The following ANKAR variants were observed in gnomAD, a reference collection of about 807,000 sequenced individuals.
The protein encoded by ANKAR is ankyrin and armadillo repeat-containing protein.
ANKAR carries 136 observed loss-of-function variants against 146.2 expected under a neutral mutation model. The observed-to-expected ratio is 0.93, with a 90% confidence interval of 0.81 to 1.07. The LOEUF is 1.07. Among genes scored for constraint, ANKAR ranks in the 50% least tolerant of loss-of-function variants. The pLI is 0.00. For synonymous variants in ANKAR, 500 were observed against 575.8 expected (o/e 0.87, Z 1.88); for missense variants, 1,567 against 1,679.9 (o/e 0.93, Z 1.18).
chr2:189,728,146 T>G (rs1280200468), intron 13 of ANKAR, 49 bp downstream of exon 13: 1 of 1,540,674 alleles, frequency 6.5e-7, no homozygotes, highest in Non-Finnish European at 8.7e-7. Flanking sequence ...ATGTTTTCTA[T>G]TTTGAATTGT....
rs1340865409 is a variant in ANKAR, at chr2:189,719,772, G to C, written c.2425G>C (p.Asp809His). Reference protein sequence around the residue: ...VHSRCAVILYDIAQCENKDVI... With the variant: ...VHSRCAVILYHIAQCENKDVI... ...CTCTCGCTGTGCTGTCATTCTATAT[G>C]ATATTGCTCAATGTGAAAACAAGGA... Residue 809 changes from aspartate to histidine, a missense_variant, in exon 11 of 23, where the codon GAT becomes CAT. Transcript: ENST00000684021. 1 of 1,600,192 alleles carries C rather than the reference G, an allele frequency of 6.2e-7. No individual in the cohort carries two copies. The highest frequency in any genetic ancestry group is 8.6e-7 in the Non-Finnish European group (1 of 1,168,962).
chr2:189,743,479 G>T lies in ANKAR; in HGVS notation c.4010+5G>T. 1 of 1,611,152 alleles carries T rather than the reference G, an allele frequency of 6.2e-7. No homozygotes were observed. The highest frequency in any genetic ancestry group is 1.1e-5 in the South Asian group (1 of 90,806). On this transcript the variant is annotated splice_donor_5th_base_variant and intron_variant, in intron 21 of 22. Coordinates refer to ENST00000684021, the MANE Select transcript of ANKAR (RefSeq NM_001378068.1). ...GGTGGGACTTCCTTCCTTAAGGTAT[G>T]GTCCTATGTTAGAAGTTGCAGTAGT...
intron 18 of ANKAR, among the ~76,000 whole-genome samples, chr2:189,752,233 C>T (rs1403532170): frequency 1.3e-5 from 2 of 152,144 alleles, no homozygotes; most frequent in Admixed American, 6.6e-5. Context: ...AGCTATCTTT[C>T]GGCCAATTCT....
At chr2:189,684,435 C>T (rs1314417509) in intron 2 of ANKAR, among the ~76,000 whole-genome samples, 1 of 152,072 alleles carries the variant, frequency 6.6e-6, no homozygotes, top group Non-Finnish European at 1.5e-5. Flanking sequence ...AGACATTAAG[C>T]TCATTCTTGA....
chr2:189,695,912 A>G (rs116593322), intron 6 of ANKAR, among the ~76,000 whole-genome samples: 5,738 of 152,078 alleles, frequency 0.038, 155 homozygotes, highest in African/African-American at 0.067. Context: ...AATATTTTAG[A>G]AAAAAATTAA....
chr2:189,710,663 G>T (rs1181763305), intron 9 of ANKAR, among the ~76,000 whole-genome samples: 1 of 152,168 alleles, frequency 6.6e-6, no homozygotes, highest in East Asian at 1.9e-4. Flanking sequence ...TTAGCCAGGT[G>T]TGGTGGTGCA....
intron 17 of ANKAR, among the ~76,000 whole-genome samples, chr2:189,736,603 A>G (rs145491956): frequency 1.3e-5 from 2 of 150,490 alleles, no homozygotes; most frequent in Admixed American, 6.8e-5. Context: ...TAATGAACCT[A>G]AATGTTCCCA....
At chr2:189,742,001 C>T (rs1374079418) in intron 20 of ANKAR, among the ~76,000 whole-genome samples, 1 of 152,108 alleles carries the variant, frequency 6.6e-6, no homozygotes, top group African/African-American at 2.4e-5. Flanking sequence ...CATAGGATAG[C>T]TTTCCTTATG....
chr2:189,740,807 C>T (rs1166966880), intron 19 of ANKAR, among the ~76,000 whole-genome samples: 1 of 152,124 alleles, frequency 6.6e-6, no homozygotes, highest in Non-Finnish European at 1.5e-5. Flanking sequence ...GATTCTCCTG[C>T]CTCAGCCTCC....
intron 12 of ANKAR, among the ~76,000 whole-genome samples, chr2:189,721,248 A>G (rs1462744322): frequency 2.0e-5 from 3 of 152,126 alleles, no homozygotes; most frequent in Non-Finnish European, 4.4e-5. Flanking sequence ...AGCCTCCCAA[A>G]GTGTTGGGAT....
intron 9 of ANKAR, among the ~76,000 whole-genome samples, chr2:189,709,519 C>T (rs1438564256): frequency 6.6e-6 from 1 of 152,124 alleles, no homozygotes; most frequent in Non-Finnish European, 1.5e-5. Flanking sequence ...CATGCACATG[C>T]ATTACTTTGA....
At chr2:189,749,362 G>C (rs1485584836), downstream of ANKAR, among the ~76,000 whole-genome samples, 1 of 149,798 alleles carries the variant, frequency 6.7e-6, no homozygotes, top group Admixed American at 6.7e-5. Context: ...ATGAGCCTAG[G>C]AGTTCTACTC....
Position 189,743,418 on chromosome 2 carries a change from A to T in ANKAR, c.3954A>T (p.Pro1318=). Residue 1318 remains proline (P), a synonymous_variant, in exon 21 of 23, where the codon CCA becomes CCT. Coordinates refer to ENST00000684021, the MANE Select transcript of ANKAR (RefSeq NM_001378068.1). ...TCAGCAGAGATGCAAGTATTAACCC[A>T]GCATTTTTAAAGGAATTTCAAATGC... is the stretch of plus-strand genomic sequence containing the variant. ...NNISRDASIN[P]AFLKEFQMQQ... is the part of the protein sequence containing the mutation. The T allele has an allele frequency of 6.2e-7, 1 of 1,614,024 alleles. No homozygotes were observed. Among genetic ancestry groups the T allele is most frequent in the African/African-American group, 1.3e-5 (1 of 75,066 alleles).
At chr2:189,742,772 T>G (rs1417505288) in intron 20 of ANKAR, among the ~76,000 whole-genome samples, 1 of 151,650 alleles carries the variant, frequency 6.6e-6, no homozygotes, top group Non-Finnish European at 1.5e-5. Context: ...ATTGTCAGGG[T>G]TGCATCCACT....
At chr2:189,760,677 G>A (rs1459535683) in intron 18 of ANKAR, among the ~76,000 whole-genome samples, 1 of 146,266 alleles carries the variant, frequency 6.8e-6, no homozygotes, top group African/African-American at 2.6e-5. Context: ...TGTAATCCCA[G>A]CTACTTGGGA....
intron 18 of ANKAR, chr2:189,755,510 A>G: frequency 2.5e-6 from 4 of 1,602,160 alleles, no homozygotes; most frequent in Non-Finnish European, 2.5e-6. Context: ...TATTCGTTGA[A>G]TATTTTCTCT....
chr2:189,754,221 T>C, intron 18 of ANKAR: 9 of 1,613,910 alleles, frequency 5.6e-6, no homozygotes, highest in Non-Finnish European at 7.6e-6. Flanking sequence ...ATTTTTAGCA[T>C]GATGCAAGGG....
chr2:189,693,248 A>G, intron 5 of ANKAR, 71 bp downstream of exon 5: 1 of 956,242 alleles, frequency 1.0e-6, no homozygotes, highest in Non-Finnish European at 1.6e-6. Context: ...AAAGAAAATG[A>G]CAAAATGCAA....
intron 10 of ANKAR, among the ~76,000 whole-genome samples, chr2:189,716,609 C>A (rs1574579082): frequency 7.4e-6 from 1 of 135,242 alleles, no homozygotes; most frequent in Admixed American, 7.9e-5. Flanking sequence ...CATATGGAAC[C>A]AAAAAAGAGC....
Sources: gnomAD v4.1 joint callset for allele counts (sites outside exome capture counted in the v4.1 genomes callset) on GRCh38, gnomAD v4.1.1 for gene constraint, MANE v1.5 for transcripts, NCBI Gene and HGNC (gene_info 2026-07-23, HGNC 2026-07-21) for gene names.